The following SALL4 variants were observed in gnomAD, a reference collection of about 807,000 sequenced individuals.
SALL4 encodes the protein spalt like transcription factor 4, also known as sal-like protein 4.
SALL4 carries 4 observed loss-of-function variants against 60.8 expected under a neutral mutation model. That is an observed-to-expected ratio of 0.07 (90% CI 0.03 to 0.15). The LOEUF is 0.15. Among genes scored for constraint, SALL4 ranks in the 10% least tolerant of loss-of-function variants. The pLI is 1.00. For synonymous variants in SALL4, 580 were observed against 574.9 expected, an observed-to-expected ratio of 1.01 and a Z score of -0.13; for missense variants, 1,178 against 1,394.7, an observed-to-expected ratio of 0.84 and a Z score of 2.48.
intron 1 of SALL4, among the ~76,000 whole-genome samples, chr20:51,797,237 T>TA (rs1382450766): frequency 6.6e-6 from 1 of 151,814 alleles, no homozygotes; most frequent in Non-Finnish European, 1.5e-5. Flanking sequence ...ATTGTATTAA[T>TA]AAAGTAGCTG....
intron 2 of SALL4, among the ~76,000 whole-genome samples, 193 bp from the exon 3 acceptor site, chr20:51,789,334 G>A (rs990223104): frequency 1.3e-5 from 2 of 151,394 alleles, no homozygotes; most frequent in African/African-American, 4.9e-5. Context: ...CTTGGGAAAA[G>A]GTATCACTTT....
intron 1 of SALL4, among the ~76,000 whole-genome samples, chr20:51,798,488 C>A (rs991534681): frequency 2.6e-5 from 4 of 151,854 alleles, no homozygotes; most frequent in Admixed American, 6.6e-5. Context: ...TGGTGACTGG[C>A]GATGCAGTTC....
chr20:51,785,087 G>A (rs888203527), intron 3 of SALL4, among the ~76,000 whole-genome samples: 1 of 152,140 alleles, frequency 6.6e-6, no homozygotes, highest in African/African-American at 2.4e-5. Context: ...CAGATCACTT[G>A]AGGTCAGGAG....
chr20:51,791,743 A>G lies in SALL4; in HGVS notation c.740T>C (p.Leu247Pro). The G allele has an allele frequency of 1.2e-6, 2 of 1,614,058 alleles. No homozygotes were observed. The highest frequency in any genetic ancestry group is 1.7e-6 in the Non-Finnish European group (2 of 1,180,032). The change falls in exon 2 of 4, where the codon CTC (leucine) becomes CCC (proline). Residue 247 changes from leucine (L) to proline (P), a missense_variant. Around this residue, in one of 5 missense-constraint regions of SALL4, gnomAD observed 853 missense variants for 1,036.8 expected, o/e 0.82. Transcript: ENST00000217086. This position sits in a 1 kb window ranked among gnomAD's most constrained non-coding sequence, Gnocchi z 4.6. ...GTCGGCCCCTGCCCCGCTTGAGTGG[A>G]GGGCGTGGGAGGCCCACATGTTCAC... ...IQVNMWASHA[L>P]HSSGAGADTL...
chr20:51,793,334 T>C (rs2078061004), intron 1 of SALL4, among the ~76,000 whole-genome samples: 1 of 151,674 alleles, frequency 6.6e-6, no homozygotes, highest in East Asian at 1.9e-4. Flanking sequence ...AATAAGAAGA[T>C]AAAAATAGCT....
In SALL4 at chr20:51,790,311, A is replaced by G. The variant is rs757428390; in HGVS notation, c.2172T>C (p.Phe724=). The stretch of plus-strand genomic sequence containing the variant: ...GGGCATCTAAGGAAGCCATCATGGC[A>G]AACCCTAGCGTGGGTGATGCCGAGT... The part of the protein sequence containing the change: ...SIHSASPTLG[F]AMMASLDAPG... The change falls in exon 2 of 4, where the codon TTT becomes TTC. Residue 724 remains phenylalanine, a synonymous_variant. Coordinates refer to ENST00000217086, the MANE Select transcript of SALL4 (RefSeq NM_020436.5). The surrounding 1 kb of genome is among the most constrained non-coding windows in gnomAD (Gnocchi z 5.5). The G allele has an allele frequency of 6.2e-7, 1 of 1,614,178 alleles. No individual in the cohort carries two copies. Among genetic ancestry groups the G allele is most frequent in the Admixed American group, 1.7e-5 (1 of 60,016 alleles).
At position 51,790,611 on chromosome 20, in the gene SALL4, C is replaced by T. The variant is rs144361561; in HGVS notation, c.1872G>A (p.Thr624=). 1.2e-5 allele frequency: 20 copies of T among 1,613,966 alleles called. No individual in the cohort carries two copies. The highest frequency in any genetic ancestry group is 1.7e-5 in the Admixed American group (1 of 59,972). Residue 624 remains threonine (T), a synonymous_variant, in exon 2 of 4, where the codon ACG becomes ACA. Coordinates refer to ENST00000217086, the MANE Select transcript of SALL4 (RefSeq NM_020436.5). This position sits in a 1 kb window ranked among gnomAD's most constrained non-coding sequence, Gnocchi z 5.5. ...GVHRTNTSIK[T]QHSCPICQKK... The stretch of plus-strand genomic sequence containing the variant: ...TCTGGCAGATGGGGCACGAATGCTG[C>T]GTCTTAATGGATGTGTTGGTTCGGT...
intron 1 of SALL4, chr20:51,792,712 C>CAAAAAAAAAAAAAA (rs1568866688): frequency 1.9e-6 from 1 of 519,510 alleles, no homozygotes; most frequent in African/African-American, 3.1e-5. Context: ...AAAAAAAAGG[C>CAAAAAAAAAAAAAA]AAAAAGGCTG....
In SALL4 at chr20:51,791,312, A is replaced by T; in HGVS notation, c.1171T>A (p.Phe391Ile). ...KHKCKYCSKVFGTDSSLQIHL... is the reference protein window; with the variant it reads ...KHKCKYCSKVIGTDSSLQIHL... ...ATCTGCAAGGAGCTATCAGTCCCAAAAACCTTGCTACAGTACTTACACTTG... is the reference window on the plus strand; with the variant it reads ...ATCTGCAAGGAGCTATCAGTCCCAATAACCTTGCTACAGTACTTACACTTG... Residue 391 changes from phenylalanine (F) to isoleucine (I), a missense_variant, in exon 2 of 4, where the codon TTT becomes ATT. Around this residue, in one of 5 missense-constraint regions of SALL4, gnomAD observed 853 missense variants for 1,036.8 expected, o/e 0.82. Coordinates refer to ENST00000217086, the MANE Select transcript of SALL4 (RefSeq NM_020436.5). The surrounding 1 kb of genome is among the most constrained non-coding windows in gnomAD (Gnocchi z 4.6). 1 of 1,614,052 alleles carries T rather than the reference A, an allele frequency of 6.2e-7. No individual in the cohort carries two copies. The highest frequency in any genetic ancestry group is 8.5e-7 in the Non-Finnish European group (1 of 1,180,012).
rs1267125226 is a variant in SALL4, at chr20:51,784,532, G to C, written c.2895C>G (p.Asp965Glu). 3 of 1,614,120 alleles carry C rather than the reference G, an allele frequency of 1.9e-6. No homozygotes were observed. Among genetic ancestry groups the C allele is most frequent in the Non-Finnish European group, 2.5e-6 (3 of 1,180,030 alleles). The change falls in exon 4 of 4, where the codon GAC (aspartate) becomes GAG (glutamate). Residue 965 changes from aspartate to glutamate, a missense_variant. Asp to Glu is a conservative substitution (Grantham distance 45, BLOSUM62 2). This residue lies in a region of SALL4 where 174 missense variants were observed against 169.6 expected (regional missense o/e 1.03). Transcript: ENST00000217086. ...TGGTGTACTGGTTCCACACAACAGG[G>C]TCCACATTCACTGAAGGGGCCAGGA... The part of the protein sequence containing the change: ...KEILAPSVNV[D>E]PVVWNQYTSM...
chr20:51,784,495 C>T lies in SALL4; in HGVS notation c.2932G>A (p.Gly978Ser), dbSNP rs886056776. ...TCATTGGTCTTCACGGCCAGACCGCCATTGAGCATGCTGGTGTACTGGTTC... is the reference window on the plus strand; with the variant it reads ...TCATTGGTCTTCACGGCCAGACCGCTATTGAGCATGCTGGTGTACTGGTTC... ...VWNQYTSMLN[G>S]GLAVKTNEIS... Residue 978 changes from glycine to serine, a missense_variant, in exon 4 of 4, where the codon GGC becomes AGC. By Grantham distance (56) the Gly-to-Ser change is moderately conservative. Coordinates refer to ENST00000217086, the MANE Select transcript of SALL4 (RefSeq NM_020436.5). 2.5e-6 allele frequency: 4 copies of T among 1,614,062 alleles called. No individual in the cohort carries two copies. Among genetic ancestry groups the T allele is most frequent in the Non-Finnish European group, 3.4e-6 (4 of 1,180,042 alleles).
Position 51,783,145 on chromosome 20 carries a change from C to T in SALL4, c.*1120G>A, listed in dbSNP as rs935132883. 2.0e-5 allele frequency: 3 copies of T among 152,098 alleles called. No individual in the cohort carries two copies. Among genetic ancestry groups the T allele is most frequent in the Non-Finnish European group, 2.9e-5 (2 of 68,022 alleles). The allele number at this position is 152,098 out of a possible 1,614,324, so 9.4% of individuals were successfully genotyped here. A position where few individuals can be genotyped will look rare whatever the true frequency, so the allele number is the denominator to read the frequency against. ...TCTCGAGCATGAAAACCCAGTTCTTCAATAGAGTAGGCACTGGCAAACTAA... is the reference window on the plus strand; with the variant it reads ...TCTCGAGCATGAAAACCCAGTTCTTTAATAGAGTAGGCACTGGCAAACTAA... On this transcript the variant is annotated 3_prime_UTR_variant, in exon 4 of 4. Transcript: ENST00000217086.
chr20:51,799,501 T>A (rs1476442355), intron 1 of SALL4, among the ~76,000 whole-genome samples: 1 of 152,232 alleles, frequency 6.6e-6, no homozygotes, highest in African/African-American at 2.4e-5. Context: ...GCAGCACGAA[T>A]GACAAAGTAT....
intron 1 of SALL4, among the ~76,000 whole-genome samples, chr20:51,793,855 G>T (rs1182416667): frequency 6.6e-6 from 1 of 152,220 alleles, no homozygotes; most frequent in Non-Finnish European, 1.5e-5. Context: ...ATGAAGTCTT[G>T]CAAGGTATGT....
rs924548213 is a variant in SALL4, at chr20:51,801,581, C to G, written c.130+698G>C. Reference sequence around the variant, plus strand: ...AAAGGTTAGGGCGAAGATCGGCAGGCGGCGCAGCCCGGGCAGAAAAGGCGA... The same window carrying G: ...AAAGGTTAGGGCGAAGATCGGCAGGGGGCGCAGCCCGGGCAGAAAAGGCGA... On this transcript the variant is annotated intron_variant, in intron 1 of 3. Transcript: ENST00000217086. This position sits in a 1 kb window ranked among gnomAD's most constrained non-coding sequence, Gnocchi z 5.2. The G allele has an allele frequency of 2.6e-5, 4 of 152,446 alleles. No homozygotes were observed. Among genetic ancestry groups the G allele is most frequent in the African/African-American group, 9.7e-5 (4 of 41,440 alleles). The allele number at this position is 152,446 out of a possible 1,614,324, so 9.4% of individuals were successfully genotyped here.
chr20:51,786,007 C>T (rs913647961), intron 3 of SALL4, among the ~76,000 whole-genome samples: 4 of 151,476 alleles, frequency 2.6e-5, no homozygotes, highest in African/African-American at 9.7e-5. Flanking sequence ...GCAGCCTCAA[C>T]CTCCAAGGCT....
rs187729856 is a variant in SALL4 at position 51,800,903 on chromosome 20, T to G, written c.130+1376A>C. On this transcript the variant is annotated intron_variant, in intron 1 of 3. Transcript: ENST00000217086. ...TTAAACGGGGAATTCTATTGACGTA[T>G]TATAAACTTGGGAAATGTATTACAT... Among the ~76,000 whole-genome samples the G allele has an allele frequency of 4.2e-3, 637 of 152,274 alleles. 2 individuals are homozygous for G. Among genetic ancestry groups the G allele is most frequent in the Non-Finnish European group, 6.5e-3 (439 of 68,032 alleles).
chr20:51,797,140 G>A (rs1240408412), intron 1 of SALL4, among the ~76,000 whole-genome samples: 1 of 151,594 alleles, frequency 6.6e-6, no homozygotes, highest in African/African-American at 2.4e-5. Flanking sequence ...GTCATCAGTG[G>A]AGACCACAGA....
chr20:51,791,079 C>T lies in SALL4; in HGVS notation c.1404G>A (p.Pro468=), dbSNP rs377687355. Residue 468 remains proline, a synonymous_variant, in exon 2 of 4, where the codon CCG becomes CCA. Transcript: ENST00000217086. This position sits in a 1 kb window ranked among gnomAD's most constrained non-coding sequence, Gnocchi z 4.6. The stretch of plus-strand genomic sequence containing the variant: ...CAGGTTTGCTGTCTAAAGAAAGACT[C>T]GGTTCATCTATGGGGTCAGGTACAG... ...ALSVPDPIDE[P]SLSLDSKPVL... is the part of the protein sequence containing the mutation. 1.9e-5 allele frequency: 30 copies of T among 1,614,012 alleles called. No homozygotes were observed. The highest frequency in any genetic ancestry group is 3.3e-5 in the Admixed American group (2 of 60,000).
Sources: gnomAD v4.1 joint callset for allele counts (sites outside exome capture counted in the v4.1 genomes callset) on GRCh38, gnomAD v4.1.1 for gene constraint, gnomAD v4.1.1 regional missense constraint, Gnocchi (gnomAD v3.1) non-coding constraint, MANE v1.5 for transcripts, NCBI Gene and HGNC (gene_info 2026-07-23, HGNC 2026-07-21) for gene names.